IRF7: variants seen among roughly 807,000 people sequenced by gnomAD.
The protein encoded by IRF7 is interferon regulatory factor 7.
Under a neutral mutation model 51.3 loss-of-function variants are expected in IRF7, and 67 were observed. The observed-to-expected ratio is 1.31, with a 90% confidence interval of 1.07 to 1.60. IRF7 has a LOEUF of 1.60. Among genes scored for constraint, IRF7 ranks in the 40% most tolerant of loss-of-function variants. The pLI is 0.00. For synonymous variants in IRF7, 427 were observed against 301.3 expected, an observed-to-expected ratio of 1.42 and a Z score of -4.32; for missense variants, 873 against 701.5, an observed-to-expected ratio of 1.24 and a Z score of -2.76.
rs11828545 is a variant in IRF7 at position 614,668 on chromosome 11, C to G, written c.394+129G>C. The G allele has an allele frequency of 1.6e-4, 218 of 1,392,586 alleles. No homozygotes were observed. The African/African-American group carries it at 3.0e-3, about 19-fold the overall frequency. The allele number at this position is 1,392,586 out of a possible 1,614,324, so 86.3% of individuals were successfully genotyped here. On this transcript the variant is annotated intron_variant, in intron 4 of 10. Transcript: ENST00000525445. ...CCTGAGGAGGTGGGGATGTGGCTCT[C>G]CACCTGTCCTGGGCCTGCTGGCAGC...
Position 613,470 on chromosome 11 carries a change from C to A in IRF7, c.973G>T (p.Asp325Tyr). ...GPPDPAVRAT[D>Y]PQQVAFPSPA... Reference sequence around the variant, plus strand: ...CTGGGGAATGCTACCTGCTGGGGGTCTGTGGCCCGGACAGCTGGGTCTGGG... The same window carrying A: ...CTGGGGAATGCTACCTGCTGGGGGTATGTGGCCCGGACAGCTGGGTCTGGG... Residue 325 changes from aspartate to tyrosine, a missense_variant, in exon 9 of 11, where the codon GAC becomes TAC. Coordinates refer to ENST00000525445, the MANE Select transcript of IRF7 (RefSeq NM_001572.5). 6.5e-7 allele frequency: 1 copy of A among 1,546,782 alleles called. No individual in the cohort carries two copies. Among genetic ancestry groups the A allele is most frequent in the Non-Finnish European group, 8.7e-7 (1 of 1,147,618 alleles).
chr11:614,733 G>A (rs916116575), intron 4 of IRF7, 64 bp downstream of exon 4: 117 of 1,481,796 alleles, frequency 7.9e-5, no homozygotes, highest in Non-Finnish European at 1.2e-5. Context: ...ATCTGACCCA[G>A]AGAATGTTCC....
chr11:614,979 G>C lies in IRF7; in HGVS notation c.212C>G (p.Pro71Arg). Reference sequence around the variant, plus strand: ...CGGGCCACCTCCCCTGCTGCTAGGCGGCCACCTGCCGCGGGCCACAGCCCA... The same window carrying C: ...CGGGCCACCTCCCCTGCTGCTAGGCCGCCACCTGCCGCGGGCCACAGCCCA... Reference protein sequence around the residue: ...KAWAVARGRWPPSSRGGGPPP... With the variant: ...KAWAVARGRWRPSSRGGGPPP... Residue 71 changes from proline (P) to arginine (R), a missense_variant, in exon 4 of 11, where the codon CCG (proline) becomes CGG (arginine). Coordinates refer to ENST00000525445, the MANE Select transcript of IRF7 (RefSeq NM_001572.5). 6.5e-7 allele frequency: 1 copy of C among 1,549,212 alleles called. No individual in the cohort carries two copies. Among genetic ancestry groups the C allele is most frequent in the Non-Finnish European group, 8.7e-7 (1 of 1,152,642 alleles).
Position 613,079 on chromosome 11 carries a change from G to C in IRF7, c.1276C>G (p.Pro426Ala). The C allele has an allele frequency of 6.2e-7, 1 of 1,613,070 alleles. No individual in the cohort carries two copies. Among genetic ancestry groups the C allele is most frequent in the East Asian group, 2.2e-5 (1 of 44,886 alleles). The change falls in exon 10 of 11, where the codon CCA (proline) becomes GCA (alanine). Residue 426 changes from proline to alanine, a missense_variant. Physicochemically the swap from Pro to Ala is conservative, Grantham distance 27. Coordinates refer to ENST00000525445, the MANE Select transcript of IRF7 (RefSeq NM_001572.5). The part of the protein sequence containing the change: ...EFRARQRRGS[P>A]RYTIYLGFGQ... ...AAGCCCAGGTAGATGGTATAGCGTG[G>C]GGAGCCACGGCGCTGCCGTGCCCGG...
chr11:614,561 GC>G (rs1856704917), intron 4 of IRF7, 27 bp from the exon 5 acceptor site: 2 of 1,550,336 alleles, frequency 1.3e-6, no homozygotes, highest in Non-Finnish European at 1.7e-6. Context: ...CAGGCGTTAG[GC>G]CCCGACACCA....
rs1362327953 is a variant in IRF7, at chr11:615,209, C to G, written c.71G>C (p.Ser24Thr). Reference protein sequence around the residue: ...FGEWLLGEISSGCYEGLQWLD... With the variant: ...FGEWLLGEISTGCYEGLQWLD... ...CCACTGCAGCCCCTCATAGCAGCCGCTGCTGATCTCTCCAAGGAGCCACTC... is the reference window on the plus strand; with the variant it reads ...CCACTGCAGCCCCTCATAGCAGCCGGTGCTGATCTCTCCAAGGAGCCACTC... Residue 24 changes from serine (S) to threonine (T), a missense_variant, in exon 3 of 11, where the codon AGC becomes ACC. By Grantham distance (58) the Ser-to-Thr change is moderately conservative. Coordinates refer to ENST00000525445, the MANE Select transcript of IRF7 (RefSeq NM_001572.5). 6.3e-7 allele frequency: 1 copy of G among 1,598,712 alleles called. No homozygotes were observed. The highest frequency in any genetic ancestry group is 8.5e-7 in the Non-Finnish European group (1 of 1,176,522).
Position 613,202 on chromosome 11 carries a change from T to C in IRF7, c.1237+4A>G. ...ACAGCCCCCCAGGCAAGGGCCTCAC[T>C]GACCTTGGAAGAAGACTCTGAAGTC... On this transcript the variant is annotated splice_donor_region_variant and intron_variant, in intron 9 of 10. Transcript: ENST00000525445. 6.3e-7 allele frequency: 1 copy of C among 1,589,258 alleles called. No individual in the cohort carries two copies. Among genetic ancestry groups the C allele is most frequent in the Non-Finnish European group, 8.6e-7 (1 of 1,166,052 alleles).
chr11:613,111 A>G lies in IRF7; in HGVS notation c.1244T>C (p.Val415Ala), dbSNP rs373690626. ...FDFRVFFQELVEFRARQRRGS... is the reference protein window; with the variant it reads ...FDFRVFFQELAEFRARQRRGS... ...ACGGCGCTGCCGTGCCCGGAATTCCACCAGCTCTGAAGAAGGGGACTCTGC... is the reference window on the plus strand; with the variant it reads ...ACGGCGCTGCCGTGCCCGGAATTCCGCCAGCTCTGAAGAAGGGGACTCTGC... The change falls in exon 10 of 11, where the codon GTG becomes GCG. Residue 415 changes from valine (V) to alanine (A), a missense_variant. Val to Ala is a moderately conservative substitution (Grantham distance 64, BLOSUM62 0). Coordinates refer to ENST00000525445, the MANE Select transcript of IRF7 (RefSeq NM_001572.5). 6.2e-7 allele frequency: 1 copy of G among 1,612,864 alleles called. No homozygotes were observed. Among genetic ancestry groups the G allele is most frequent in the Non-Finnish European group, 8.5e-7 (1 of 1,179,894 alleles).
chr11:613,771 T>C lies in IRF7; in HGVS notation c.847+14A>G, dbSNP rs1856613191. ...TGGGCGGGGACAGGCTGCCCCTTCCTGGGATGCACTCACCTTGCACCGCGG... is the reference window on the plus strand; with the variant it reads ...TGGGCGGGGACAGGCTGCCCCTTCCCGGGATGCACTCACCTTGCACCGCGG... On this transcript the variant is annotated intron_variant, in intron 8 of 10. Coordinates refer to ENST00000525445, the MANE Select transcript of IRF7 (RefSeq NM_001572.5). 1 of 1,528,782 alleles carries C rather than the reference T, an allele frequency of 6.5e-7. No individual in the cohort carries two copies. Among genetic ancestry groups the C allele is most frequent in the East Asian group, 2.4e-5 (1 of 41,706 alleles). 94.7% of individuals were successfully genotyped at this position (1,528,782 alleles called of 1,614,324 possible). A position where few individuals can be genotyped will look rare whatever the true frequency, so the allele number is the denominator to read the frequency against.
chr11:612,822 C>CT lies in IRF7; in HGVS notation c.1357-23dup, dbSNP rs34948036. The stretch of plus-strand genomic sequence containing the variant: ...CCAGCTGCCAGGAGGGATCGGGCGT[C>CT]TGTCAGTGACCCGGCGTGTGTCCTC... On this transcript the variant is annotated intron_variant, in intron 10 of 10. Transcript: ENST00000525445. 0.25 allele frequency: 407,989 copies of CT among 1,601,680 alleles called. 55,125 individuals carry two copies. Among genetic ancestry groups the CT allele is most frequent in the East Asian group, 0.32 (14,259 of 44,764 alleles).
chr11:613,479 G>A lies in IRF7; in HGVS notation c.964C>T (p.Arg322Trp), dbSNP rs768545640. The change falls in exon 9 of 11, where the codon CGG becomes TGG. Residue 322 changes from arginine to tryptophan, a missense_variant. Transcript: ENST00000525445. The part of the protein sequence containing the change: ...FLYGPPDPAV[R>W]ATDPQQVAFP... ...GCTACCTGCTGGGGGTCTGTGGCCCGGACAGCTGGGTCTGGGGGGCCGTAT... is the reference window on the plus strand; with the variant it reads ...GCTACCTGCTGGGGGTCTGTGGCCCAGACAGCTGGGTCTGGGGGGCCGTAT... 3.3e-5 allele frequency: 51 copies of A among 1,542,212 alleles called. No individual in the cohort carries two copies. In the South Asian group the frequency reaches 3.8e-4, roughly 11 times the overall value.
Position 612,690 on chromosome 11 carries a change from A to G in IRF7, c.1467T>C (p.Tyr489=). 9 of 1,613,300 alleles carry G rather than the reference A, an allele frequency of 5.6e-6. No homozygotes were observed. The highest frequency in any genetic ancestry group is 7.6e-6 in the Non-Finnish European group (9 of 1,180,012). The change falls in exon 11 of 11, where the codon TAT becomes TAC. Residue 489 remains tyrosine, a synonymous_variant. Coordinates refer to ENST00000525445, the MANE Select transcript of IRF7 (RefSeq NM_001572.5). The part of the protein sequence containing the change: ...SLCLSSANSL[Y]DDIECFLMEL... ...CCATAAGGAAGCACTCGATGTCGTC[A>G]TAGAGGCTGTTGGCGCTGGACAGGC...
chr11:614,019 C>T lies in IRF7; in HGVS notation c.698G>A (p.Gly233Glu). The T allele has an allele frequency of 6.2e-7, 1 of 1,609,124 alleles. No homozygotes were observed. Among genetic ancestry groups the T allele is most frequent in the Non-Finnish European group, 8.5e-7 (1 of 1,178,560 alleles). Residue 233 changes from glycine to glutamate, a missense_variant, in exon 7 of 11, where the codon GGG becomes GAG. By Grantham distance (98) the Gly-to-Glu change is moderately conservative (BLOSUM62 -2). Coordinates refer to ENST00000525445, the MANE Select transcript of IRF7 (RefSeq NM_001572.5). ...ACAGGPGLPA[G>E]ELYGWAVETT... ...CTCTACTGCCCACCCGTACAGCTCC[C>T]CAGCAGGGAGCCCTGGGCCTGAGGA... is the stretch of plus-strand genomic sequence containing the variant.
In IRF7 at chr11:613,088, G is replaced by C; in HGVS notation, c.1267C>G (p.Arg423Gly). ...ELVEFRARQR[R>G]GSPRYTIYLG... ...TAGATGGTATAGCGTGGGGAGCCAC[G>C]GCGCTGCCGTGCCCGGAATTCCACC... Residue 423 changes from arginine to glycine, a missense_variant, in exon 10 of 11, where the codon CGT becomes GGT. Arg to Gly is a moderately radical substitution (Grantham distance 125). Coordinates refer to ENST00000525445, the MANE Select transcript of IRF7 (RefSeq NM_001572.5). The C allele has an allele frequency of 6.2e-7, 1 of 1,613,038 alleles. No homozygotes were observed.
At position 613,873 on chromosome 11, in the gene IRF7, C is replaced by A; in HGVS notation, c.767-8G>T. Reference sequence around the variant, plus strand: ...CTGGGGCCGCGGCCTCGCCTGCATCCGGAAGGGAATCCTGTGCTGGCACCT... The same window carrying A: ...CTGGGGCCGCGGCCTCGCCTGCATCAGGAAGGGAATCCTGTGCTGGCACCT... On this transcript the variant is annotated splice_region_variant and splice_polypyrimidine_tract_variant and intron_variant, in intron 7 of 10. Transcript: ENST00000525445. The A allele has an allele frequency of 6.3e-7, 1 of 1,598,744 alleles. No individual in the cohort carries two copies. The highest frequency in any genetic ancestry group is 2.3e-5 in the East Asian group (1 of 44,152).
Position 614,541 on chromosome 11 carries a change from G to C in IRF7, c.395-7C>G, listed in dbSNP as rs1856703290. ...TGGTCCGTGCCTGGGCCTTCTGAGA[G>C]AGAATGGGGCAGGCGTTAGGCCCCG... is the stretch of plus-strand genomic sequence containing the variant. On this transcript the variant is annotated splice_polypyrimidine_tract_variant and splice_region_variant and intron_variant, in intron 4 of 10. Coordinates refer to ENST00000525445, the MANE Select transcript of IRF7 (RefSeq NM_001572.5). 4 of 1,552,130 alleles carry C rather than the reference G, an allele frequency of 2.6e-6. No homozygotes were observed. Among genetic ancestry groups the C allele is most frequent in the African/African-American group, 2.7e-5 (2 of 73,200 alleles).
chr11:615,019 G>T lies in IRF7; in HGVS notation c.184-12C>A. The stretch of plus-strand genomic sequence containing the variant: ...GCCACAGCCCAGGCCTGAAGAGGGG[G>T]ACAGAACACGTGTGCCGGGCCCGCG... On this transcript the variant is annotated splice_polypyrimidine_tract_variant and intron_variant, in intron 3 of 10. Transcript: ENST00000525445. The T allele has an allele frequency of 6.5e-7, 1 of 1,546,764 alleles. No individual in the cohort carries two copies. Among genetic ancestry groups the T allele is most frequent in the Non-Finnish European group, 8.7e-7 (1 of 1,151,574 alleles).
Position 612,815 on chromosome 11 carries a change from C to A in IRF7, c.1357-15G>T. 1 of 1,594,572 alleles carries A rather than the reference C, an allele frequency of 6.3e-7. No homozygotes were observed. Among genetic ancestry groups the A allele is most frequent in the African/African-American group, 1.3e-5 (1 of 74,546 alleles). ...CAGGGTTCCAGCTGCCAGGAGGGAT[C>A]GGGCGTCTGTCAGTGACCCGGCGTG... On this transcript the variant is annotated splice_polypyrimidine_tract_variant and intron_variant, in intron 10 of 10. Coordinates refer to ENST00000525445, the MANE Select transcript of IRF7 (RefSeq NM_001572.5).
chr11:614,158 C>G lies in IRF7; in HGVS notation c.679+16G>C, dbSNP rs377027438. On this transcript the variant is annotated intron_variant, in intron 6 of 10. Transcript: ENST00000525445. The stretch of plus-strand genomic sequence containing the variant: ...GGCCCCTCCCGCGCTCCCCCCCTCC[C>G]CGGGCACGCCCACACCTCCAGCACA... 72 of 1,608,438 alleles carry G rather than the reference C, an allele frequency of 4.5e-5. No homozygotes were observed. Among genetic ancestry groups the G allele is most frequent in the Non-Finnish European group, 5.0e-5 (59 of 1,177,440 alleles).
Sources: allele counts gnomAD v4.1 joint callset, GRCh38; gene constraint gnomAD v4.1.1; transcripts MANE v1.5; gene names NCBI Gene and HGNC (gene_info 2026-07-23, HGNC 2026-07-21).